Variants in TIAM2 observed in about 807,000 individuals in gnomAD.
TIAM2 encodes rho guanine nucleotide exchange factor TIAM2.
Under a neutral mutation model 152.9 loss-of-function variants are expected in TIAM2, and 80 were observed. The ratio of observed to expected loss-of-function variants is 0.52; its 90% CI spans 0.44 to 0.63. The LOEUF is 0.63. TIAM2 is among the 30% of genes least tolerant of loss of function. The pLI is 0.00. For synonymous variants in TIAM2, 804 were observed against 838.0 expected (o/e 0.96, Z 0.70); for missense variants, 1,965 against 2,120.1 (o/e 0.93, Z 1.44).
At chr6:154,999,621 A>T (rs183763938) in intron 1 of TIAM2, among the ~76,000 whole-genome samples, 4 of 152,218 alleles carry the variant, frequency 2.6e-5, no homozygotes, top group Non-Finnish European at 4.4e-5. Flanking sequence ...TCTGAAAACT[A>T]GCTTTGCTTC....
intron 1 of TIAM2, among the ~76,000 whole-genome samples, chr6:154,996,221 C>T (rs1484249553): frequency 6.6e-6 from 1 of 152,188 alleles, no homozygotes; most frequent in African/African-American, 2.4e-5. Flanking sequence ...TAACATTGCA[C>T]GAGGTATTTC....
chr6:155,011,044 C>CAAA (rs200880796), intron 1 of TIAM2, among the ~76,000 whole-genome samples: 4 of 140,706 alleles, frequency 2.8e-5, no homozygotes, highest in Non-Finnish European at 6.1e-5. Flanking sequence ...AACTCTGTCT[C>CAAA]AAAAAAAAAA....
At chr6:155,227,648 A>G (rs992011422) in intron 15 of TIAM2, among the ~76,000 whole-genome samples, 5 of 152,258 alleles carry the variant, frequency 3.3e-5, no homozygotes, top group Non-Finnish European at 5.9e-5. Flanking sequence ...ATTTAAAGGT[A>G]GAGCGACTGT....
rs34425957 is a variant in TIAM2, at chr6:155,035,226, ATT to A, written c.-209+39747_-209+39748del. 3.4e-3 allele frequency among the ~76,000 whole-genome samples: 461 copies of A among 136,986 alleles called. 3 individuals carry two copies. Among genetic ancestry groups the A allele is most frequent in the African/African-American group, 9.2e-3 (348 of 37,706 alleles). 89.9% of individuals were successfully genotyped at this position (136,986 alleles called of 152,430 possible). ...TTCTTCGCCTTACATGTATCGTCCT[ATT>A]TTTTTTTTTTTTGAAACGGAGTCTT... On this transcript the variant is annotated intron_variant, in intron 1 of 26. Transcript: ENST00000682666.
chr6:155,242,901 A>ATT (rs527800448), intron 16 of TIAM2, among the ~76,000 whole-genome samples: 23,362 of 131,744 alleles, frequency 0.18, 2,257 homozygotes, highest in Non-Finnish European at 0.26. Flanking sequence ...ACACCCAGCT[A>ATT]TTTTTTTTTT....
chr6:155,106,533 C>T (rs998054942), intron 2 of TIAM2, among the ~76,000 whole-genome samples: 3 of 152,058 alleles, frequency 2.0e-5, no homozygotes, highest in African/African-American at 7.2e-5. Context: ...AGTTTATACC[C>T]GATATTTTGC....
At chr6:155,254,596 G>T (rs1269138792) in intron 26 of TIAM2, 23 bp downstream of exon 26, 2 of 1,604,216 alleles carry the variant, frequency 1.2e-6, no homozygotes, top group Admixed American at 3.3e-5. Flanking sequence ...CTAGCCTTGT[G>T]TTTATTCAAC....
chr6:155,211,271 G>C lies in TIAM2; in HGVS notation c.3132G>C (p.Gln1044His). ...GTCAGACAGATGGCACTCTGGATCA[G>C]GTTTCCCACAGGGAGAAAATGGAGC... ...KRSQTDGTLD[Q>H]VSHREKMEQT... Residue 1044 changes from glutamine to histidine, a missense_variant, in exon 15 of 27, where the codon CAG (glutamine) becomes CAC (histidine). Gln to His is a conservative substitution (Grantham distance 24). Transcript: ENST00000682666. 2 of 1,613,598 alleles carry C rather than the reference G, an allele frequency of 1.2e-6. No homozygotes were observed. Among genetic ancestry groups the C allele is most frequent in the Non-Finnish European group, 1.7e-6 (2 of 1,179,568 alleles).
rs1376803049 is a variant in TIAM2, at chr6:155,148,222, A to G, written c.1916A>G (p.Gln639Arg). ...GACACGCTGCGGCTGCTGAAGAACC[A>G]GACCAAAAACCTGCTTCAGAAGATA... ...KEDTLRLLKN[Q>R]TKNLLQKIDM... The change falls in exon 7 of 27, where the codon CAG becomes CGG. Residue 639 changes from glutamine (Q) to arginine (R), a missense_variant. Transcript: ENST00000682666. The G allele has an allele frequency of 1.2e-5, 19 of 1,613,078 alleles. No individual in the cohort carries two copies. Among genetic ancestry groups the G allele is most frequent in the Non-Finnish European group, 1.6e-5 (19 of 1,180,032 alleles).
chr6:155,176,824 ACTT>A lies in TIAM2; in HGVS notation c.2373_2375del (p.Leu792del), dbSNP rs1164308941. 5.6e-6 allele frequency: 9 copies of A among 1,606,754 alleles called. No individual in the cohort carries two copies. On this transcript the variant is annotated inframe_deletion, in exon 10 of 27. Transcript: ENST00000682666. ...TTGGCATCTACAAACAGGTCGATGA[ACTT>A]CTGCATATATATGGTTCAACAGTAG... is the stretch of plus-strand genomic sequence containing the variant.
chr6:155,216,865 C>T lies in TIAM2; in HGVS notation c.3168+5558C>T, dbSNP rs1781872499. On this transcript the variant is annotated intron_variant, in intron 15 of 26. Transcript: ENST00000682666. ...GCATGGGTGGAAACAGAGCAGGGGG[C>T]CAGCTTCCCCCAATCACCGGTGCTG... is the stretch of plus-strand genomic sequence containing the variant. The T allele has an allele frequency of 3.5e-6, 4 of 1,141,132 alleles. No individual in the cohort carries two copies. In the South Asian group the frequency reaches 5.2e-5, roughly 15 times the overall value. 70.7% of individuals were successfully genotyped at this position (1,141,132 alleles called of 1,614,324 possible).
intron 9 of TIAM2, among the ~76,000 whole-genome samples, chr6:155,173,181 G>A (rs1780672979): frequency 7.3e-6 from 1 of 136,574 alleles, no homozygotes; most frequent in African/African-American, 3.5e-5. Flanking sequence ...GTGTGTGTGT[G>A]TGTGTGTGTG....
chr6:155,172,686 ATTTTTTTTTTTTTTTTT>A (rs113165280), intron 9 of TIAM2, among the ~76,000 whole-genome samples: 4 of 19,636 alleles, frequency 2.0e-4, no homozygotes, highest in African/African-American at 6.9e-4. Context: ...ATATATATAT[ATTTTTTTTTTTTTTTTT>A]TTTTTTTTTC....
chr6:155,015,035 A>C (rs924023419), intron 1 of TIAM2, among the ~76,000 whole-genome samples: 7 of 152,008 alleles, frequency 4.6e-5, no homozygotes, highest in Non-Finnish European at 1.0e-4. Flanking sequence ...GGAGGGTTGG[A>C]CTGGCAGAGT....
At chr6:155,028,551 TATA>T (rs573442585) in intron 1 of TIAM2, among the ~76,000 whole-genome samples, 21 of 137,658 alleles carry the variant, frequency 1.5e-4, no homozygotes, top group African/African-American at 3.5e-4. Flanking sequence ...ATATACTACA[TATA>T]ATATATATAT....
chr6:155,033,869 A>G (rs7382185), intron 1 of TIAM2, among the ~76,000 whole-genome samples: 145,753 of 152,010 alleles, frequency 0.96, 70,079 homozygotes, highest in East Asian at 1. Context: ...GGTGCGTGCC[A>G]CCACACCCGG....
intron 2 of TIAM2, among the ~76,000 whole-genome samples, chr6:155,122,835 G>A (rs1019195300): frequency 1.4e-5 from 2 of 141,946 alleles, no homozygotes; most frequent in South Asian, 2.4e-4. Flanking sequence ...TAAACACCAG[G>A]CCCTTTTAAA....
At chr6:155,029,442 AC>A (rs376817223) in intron 1 of TIAM2, among the ~76,000 whole-genome samples, 131 of 2,898 alleles carry the variant, frequency 0.045, 21 homozygotes, top group East Asian at 0.086. Context: ...TATATATTAT[AC>A]TATAGTATAT....
At chr6:155,053,926 C>G (rs957325265) in intron 1 of TIAM2, among the ~76,000 whole-genome samples, 1 of 152,072 alleles carries the variant, frequency 6.6e-6, no homozygotes, top group African/African-American at 2.4e-5. Flanking sequence ...GCCTGTAATC[C>G]CAGCACTTTG....
Sources: allele counts gnomAD v4.1 joint callset (sites outside exome capture counted in the v4.1 genomes callset), GRCh38; gene constraint gnomAD v4.1.1; transcripts MANE v1.5; gene names NCBI Gene and HGNC (gene_info 2026-07-23, HGNC 2026-07-21).